Variants in PTRH1 observed in about 807,000 individuals in gnomAD.
The protein encoded by PTRH1 is peptidyl-tRNA hydrolase.
Under a neutral mutation model 15.7 loss-of-function variants are expected in PTRH1, and 13 were observed. The ratio of observed to expected loss-of-function variants is 0.83; its 90% confidence interval spans 0.54 to 1.31. The LOEUF is 1.31. PTRH1 is among the 40% of genes most tolerant of loss of function. The probability of loss-of-function intolerance (pLI) is 0.00; values close to 1 mark genes in which losing one functional copy is unlikely to be tolerated. For synonymous variants in PTRH1, 139 were observed against 136.7 expected, an observed-to-expected ratio of 1.02 and a Z score of -0.12; for missense variants, 319 against 296.2, an observed-to-expected ratio of 1.08 and a Z score of -0.56.
chr9:127,713,805 C>T, downstream of PTRH1: 3 of 1,604,316 alleles, frequency 1.9e-6, no homozygotes, highest in Non-Finnish European at 2.6e-6. Flanking sequence ...CTGCACCCGG[C>T]CTCCAAGCCA....
chr9:127,707,090 G>T, intron 1 of PTRH1: 1 of 1,613,922 alleles, frequency 6.2e-7, no homozygotes, highest in Non-Finnish European at 8.5e-7. Flanking sequence ...AAGAAGAAAG[G>T]GGGCAAGAAG....
downstream of PTRH1, chr9:127,709,544 T>G (rs1842716127): frequency 2.5e-6 from 4 of 1,614,030 alleles, no homozygotes; most frequent in Non-Finnish European, 3.4e-6. This position sits in a 1 kb window ranked among gnomAD's most constrained non-coding sequence, Gnocchi z 4.7. Flanking sequence ...AACCAGCAGG[T>G]GGATGAGATC....
downstream of PTRH1, chr9:127,713,141 C>G: frequency 6.2e-7 from 1 of 1,609,562 alleles, no homozygotes; most frequent in Non-Finnish European, 8.5e-7. Context: ...ACCCAACCCC[C>G]AGGACCTCAG....
chr9:127,712,238 G>A (rs1588394426), downstream of PTRH1: 1 of 1,614,096 alleles, frequency 6.2e-7, no homozygotes, highest in Non-Finnish European at 8.5e-7. Flanking sequence ...TGGAGCAGCA[G>A]CAGGTGGATT....
At chr9:127,707,482 G>T (rs1842673456) in intron 1 of PTRH1, among the ~76,000 whole-genome samples, 2 of 151,986 alleles carry the variant, frequency 1.3e-5, no homozygotes, top group Admixed American at 1.3e-4. Context: ...CCTCACTCCT[G>T]CCCCATGGGA....
chr9:127,713,112 C>T (rs201886711), downstream of PTRH1: 9 of 1,613,182 alleles, frequency 5.6e-6, no homozygotes, highest in African/African-American at 4.0e-5. Flanking sequence ...GGCCTGGTAC[C>T]TCGCCAGGTC....
chr9:127,704,275 C>A (rs544420778), intron 1 of PTRH1, among the ~76,000 whole-genome samples: 3 of 152,148 alleles, frequency 2.0e-5, no homozygotes, highest in African/African-American at 7.2e-5. Context: ...GAGGCCAAGG[C>A]GGGCAGATCA....
chr9:127,712,692 C>T (rs768608600), downstream of PTRH1: 2 of 1,613,952 alleles, frequency 1.2e-6, no homozygotes, highest in Non-Finnish European at 1.7e-6. Flanking sequence ...CTGCTGCCAC[C>T]CCACCCTCAC....
Position 127,713,947 on chromosome 9 carries a change from G to A in PTRH1, c.*153C>T, listed in dbSNP as rs1842831729. 6.3e-7 allele frequency: 1 copy of A among 1,593,852 alleles called. No homozygotes were observed. The highest frequency in any genetic ancestry group is 8.6e-7 in the Non-Finnish European group (1 of 1,161,876). On this transcript the variant is annotated 3_prime_UTR_variant, in exon 5 of 5. Transcript: ENST00000543175. ...CCTACTCCAGAAATGGACTGGTCCA[G>A]TCACAGTCACCCCCACTTTAATCCG...
intron 1 of PTRH1, chr9:127,695,223 C>T: frequency 1.6e-6 from 1 of 623,414 alleles, no homozygotes; most frequent in Admixed American, 2.4e-5. Context: ...ACTGTGTATT[C>T]ACCCAATGGT....
chr9:127,711,199 G>T, downstream of PTRH1: 4 of 1,608,052 alleles, frequency 2.5e-6, no homozygotes, highest in Non-Finnish European at 3.4e-6. Context: ...CGCTCTGTCT[G>T]ACCCCTTCCC....
intron 1 of PTRH1, among the ~76,000 whole-genome samples, chr9:127,703,669 G>A (rs763561495): frequency 3.9e-5 from 6 of 152,316 alleles, no homozygotes; most frequent in Middle Eastern, 3.4e-3. Context: ...ACGTGCCACG[G>A]CACCCAAACT....
chr9:127,706,883 T>C (rs1842654684), intron 1 of PTRH1: 11 of 880,208 alleles, frequency 1.2e-5, no homozygotes, highest in South Asian at 6.9e-5. Context: ...TGCCTTGGAG[T>C]GGGACCTGGT....
downstream of PTRH1, chr9:127,712,077 G>C: frequency 6.6e-7 from 1 of 1,504,838 alleles, no homozygotes; most frequent in Non-Finnish European, 8.9e-7. Context: ...CAGACAGGCT[G>C]AGGCTTGGGG....
Position 127,714,297 on chromosome 9 carries a change from G to C in PTRH1, c.463-15C>G. ...CTTGGCATTGCCTGTGGGAGAGCCA[G>C]AGAGGCCCAGGAAGCTTTGGCGAGG... On this transcript the variant is annotated splice_polypyrimidine_tract_variant and intron_variant, in intron 4 of 4. Coordinates refer to ENST00000543175, the MANE Select transcript of PTRH1 (RefSeq NM_001002913.3). The C allele has an allele frequency of 6.2e-7, 1 of 1,614,010 alleles. No individual in the cohort carries two copies. Among genetic ancestry groups the C allele is most frequent in the Non-Finnish European group, 8.5e-7 (1 of 1,179,912 alleles).
Position 127,715,114 on chromosome 9 carries a change from C to A in PTRH1, c.177G>T (p.Arg59=). ...GCGTCCAACTCTCCGCCACACCCAGCCGCCGCGCCAGCTGCCCCAGCACCG... is the reference window on the plus strand; with the variant it reads ...GCGTCCAACTCTCCGCCACACCCAGACGCCGCGCCAGCTGCCCCAGCACCG... ...GMAVLGQLAR[R]LGVAESWTRD... Residue 59 remains arginine, a synonymous_variant, in exon 2 of 5, where the codon CGG becomes CGT. Transcript: ENST00000543175. This position sits in a 1 kb window ranked among gnomAD's most constrained non-coding sequence, Gnocchi z 5.8. 6.5e-7 allele frequency: 1 copy of A among 1,534,342 alleles called. No homozygotes were observed. Among genetic ancestry groups the A allele is most frequent in the Non-Finnish European group, 8.7e-7 (1 of 1,146,080 alleles).
At chr9:127,708,793 T>A (rs1842701898) in intron 1 of PTRH1, among the ~76,000 whole-genome samples, 2 of 152,192 alleles carry the variant, frequency 1.3e-5, no homozygotes, top group Admixed American at 6.5e-5. Context: ...CAAATGTGGC[T>A]CAGGGCCAAG....
intron 1 of PTRH1, among the ~76,000 whole-genome samples, chr9:127,706,228 T>C (rs1344342650): frequency 2.6e-5 from 4 of 152,002 alleles, no homozygotes; most frequent in Non-Finnish European, 5.9e-5. Context: ...ACAGTAAAAA[T>C]GCCCCCACCT....
In PTRH1 at chr9:127,714,190, C is replaced by T. The variant is rs1409053312; in HGVS notation, c.555G>A (p.Gln185=). 1.2e-6 allele frequency: 2 copies of T among 1,613,986 alleles called. No homozygotes were observed. The highest frequency in any genetic ancestry group is 8.5e-7 in the Non-Finnish European group (1 of 1,180,020). Residue 185 remains glutamine (Q), a synonymous_variant, in exon 5 of 5, where the codon CAG becomes CAA. Transcript: ENST00000543175. ...HVLGCFSPAE[Q]ELLPLLLDRA... ...GATCCAGCAACAGAGGCAGCAGCTC[C>T]TGCTCAGCAGGGGAGAAGCAGCCCA...
Sources: allele counts gnomAD v4.1 joint callset (sites outside exome capture counted in the v4.1 genomes callset), GRCh38; gene constraint gnomAD v4.1.1; non-coding constraint Gnocchi (gnomAD v3.1); transcripts MANE v1.5; gene names NCBI Gene and HGNC (gene_info 2026-07-23, HGNC 2026-07-21).